The following ATRNL1 variants were observed in gnomAD, a reference collection of about 807,000 sequenced individuals.
ATRNL1 encodes attractin-like protein 1.
ATRNL1 carries 95 observed loss-of-function variants against 182.7 expected under a neutral mutation model. The ratio of observed to expected loss-of-function variants is 0.52; its 90% CI spans 0.44 to 0.62. The LOEUF (loss-of-function observed/expected upper bound fraction) is 0.62, where lower values mean the gene tolerates loss of function less well. Among genes scored for constraint, ATRNL1 ranks in the 20% least tolerant of loss-of-function variants. The pLI, the probability that ATRNL1 is intolerant of heterozygous loss-of-function variation, is 0.00. For missense variants in ATRNL1, 1,471 were observed against 1,679.5 expected (o/e 0.88, Z 2.17); for synonymous variants, 576 against 568.3 (o/e 1.01, Z -0.19).
chr10:115,131,648 GAC>G lies in ATRNL1; in HGVS notation c.829+2115_829+2116del, dbSNP rs375410039. 6.8e-4 allele frequency among the ~76,000 whole-genome samples: 104 copies of G among 152,304 alleles called. 2 individuals are homozygous for G. The South Asian group carries it at 0.021, about 31-fold the overall frequency. On this transcript the variant is annotated intron_variant, in intron 5 of 28. Coordinates refer to ENST00000355044, the MANE Select transcript of ATRNL1 (RefSeq NM_207303.4). ...AATGGGGAATGATCAAAGAATGAGA[GAC>G]ATGTGAAAATGCGGACTGCCGAGGC...
At chr10:115,935,150 C>T (rs782254613) in intron 28 of ATRNL1, among the ~76,000 whole-genome samples, 2 of 152,142 alleles carry the variant, frequency 1.3e-5, no homozygotes, top group Non-Finnish European at 2.9e-5. Flanking sequence ...GTTAGCAAAT[C>T]TAGGAGCTCT....
intron 13 of ATRNL1, among the ~76,000 whole-genome samples, chr10:115,275,645 C>T (rs1554914617): frequency 6.6e-6 from 1 of 152,154 alleles, no homozygotes; most frequent in African/African-American, 2.4e-5. Flanking sequence ...TCAGTGGCTG[C>T]ACTTCCCACT....
rs564066907 is a variant in ATRNL1, at chr10:115,892,223, G to A, written c.4018+44232G>A. Among the ~76,000 whole-genome samples the A allele has an allele frequency of 4.5e-4, 68 of 152,166 alleles. 2 individuals are homozygous for A. The highest frequency in any genetic ancestry group is 1.9e-4 in the East Asian group (1 of 5,174). The stretch of plus-strand genomic sequence containing the variant: ...ATTTTTATTAAAGCAAAATTTGATG[G>A]CTTTTGTTTATGAGACCTGCCAAAC... On this transcript the variant is annotated intron_variant, in intron 28 of 28. Coordinates refer to ENST00000355044, the MANE Select transcript of ATRNL1 (RefSeq NM_207303.4).
chr10:115,179,411 A>G (rs1290413992), intron 8 of ATRNL1, among the ~76,000 whole-genome samples: 2 of 152,004 alleles, frequency 1.3e-5, no homozygotes, highest in East Asian at 1.9e-4. Flanking sequence ...AGGTGTCCTC[A>G]TATAGCTATT....
At chr10:115,431,741 TTACTG>T (rs1484300242) in intron 21 of ATRNL1, among the ~76,000 whole-genome samples, 3 of 152,218 alleles carry the variant, frequency 2.0e-5, no homozygotes, top group African/African-American at 7.2e-5. Context: ...GACTGTCCAA[TTACTG>T]TGTCATTTAA....
intron 1 of ATRNL1, among the ~76,000 whole-genome samples, chr10:115,110,539 C>G (rs1397702755): frequency 6.6e-6 from 1 of 152,056 alleles, no homozygotes; most frequent in Non-Finnish European, 1.5e-5. Flanking sequence ...TTTTCTGGAG[C>G]CTCTGGATAA....
At chr10:115,735,493 T>C (rs1555065194) in intron 27 of ATRNL1, among the ~76,000 whole-genome samples, 2 of 152,156 alleles carry the variant, frequency 1.3e-5, no homozygotes, top group African/African-American at 4.8e-5. Flanking sequence ...CAAACCGAGA[T>C]ATACATACCT....
chr10:115,299,944 A>AT, intron 15 of ATRNL1, 90 bp from the exon 16 acceptor site: 1 of 888,800 alleles, frequency 1.1e-6, no homozygotes, highest in Non-Finnish European at 1.7e-6. Context: ...TTCAAATATA[A>AT]TTTTTAATGA....
At chr10:115,737,372 G>A (rs1480011223) in intron 27 of ATRNL1, among the ~76,000 whole-genome samples, 1 of 151,268 alleles carries the variant, frequency 6.6e-6, no homozygotes, top group Non-Finnish European at 1.5e-5. Flanking sequence ...GGAGTTCGAG[G>A]CTGCAGTGAG....
At chr10:115,871,395 A>T in intron 28 of ATRNL1, among the ~76,000 whole-genome samples, 1 of 148,924 alleles carries the variant, frequency 6.7e-6, no homozygotes, top group Non-Finnish European at 1.5e-5. Context: ...GATAAATCTC[A>T]CTGATAGGTT....
intron 20 of ATRNL1, among the ~76,000 whole-genome samples, chr10:115,396,326 A>G (rs562469476): frequency 4.6e-5 from 7 of 152,078 alleles, no homozygotes; most frequent in African/African-American, 1.7e-4. Flanking sequence ...GGATGCCTCT[A>G]ATACTTTGCA....
chr10:115,763,593 G>A (rs1159378666), intron 27 of ATRNL1, among the ~76,000 whole-genome samples: 1 of 152,094 alleles, frequency 6.6e-6, no homozygotes, highest in South Asian at 2.1e-4. Context: ...GGGAGTCGGG[G>A]ATGGGCACAA....
At chr10:115,174,001 T>C (rs1554886260) in intron 8 of ATRNL1, among the ~76,000 whole-genome samples, 1 of 151,778 alleles carries the variant, frequency 6.6e-6, no homozygotes, top group East Asian at 1.9e-4. Context: ...CTTCTCACGT[T>C]TAGGGCCCTC....
intron 20 of ATRNL1, among the ~76,000 whole-genome samples, chr10:115,395,115 G>A (rs1554955238): frequency 2.4e-5 from 2 of 83,928 alleles, no homozygotes; most frequent in African/African-American, 3.4e-5. Flanking sequence ...GCAAAAACAT[G>A]TGGCATTTGG....
At chr10:115,542,960 T>A (rs548497514) in intron 25 of ATRNL1, among the ~76,000 whole-genome samples, 1 of 152,170 alleles carries the variant, frequency 6.6e-6, no homozygotes. Context: ...CAGAATCCCA[T>A]GTTTATAAAC....
At position 115,579,694 on chromosome 10, in the gene ATRNL1, A is replaced by G. The variant is rs191231480; in HGVS notation, c.3795+30158A>G. ...TCATTTAGCCAGCCTATATCTTTTT[A>G]TTGGGTAGCTTAAACCATTTATATT... On this transcript the variant is annotated intron_variant, in intron 26 of 28. Coordinates refer to ENST00000355044, the MANE Select transcript of ATRNL1 (RefSeq NM_207303.4). Among the ~76,000 whole-genome samples, 20 of 152,020 alleles carry G rather than the reference A, an allele frequency of 1.3e-4. No individual in the cohort carries two copies. In the East Asian group the frequency reaches 3.7e-3, roughly 28 times the overall value.
intron 9 of ATRNL1, among the ~76,000 whole-genome samples, chr10:115,237,218 G>A (rs1850223074): frequency 6.6e-6 from 1 of 152,210 alleles, no homozygotes; most frequent in African/African-American, 2.4e-5. Context: ...TCTGTGTGCA[G>A]ATTTTTGTGT....
At chr10:115,551,649 T>C (rs1164182210) in intron 26 of ATRNL1, among the ~76,000 whole-genome samples, 1 of 151,572 alleles carries the variant, frequency 6.6e-6, no homozygotes, top group South Asian at 2.1e-4. Context: ...TTAAAACATA[T>C]TTTGAGGAAT....
chr10:115,544,227 C>G (rs149866761), intron 25 of ATRNL1, among the ~76,000 whole-genome samples: 1 of 152,250 alleles, frequency 6.6e-6, no homozygotes, highest in African/African-American at 2.4e-5. Context: ...CTGGAATACA[C>G]AAACCTACAA....
Sources: gnomAD v4.1 joint callset for allele counts (sites outside exome capture counted in the v4.1 genomes callset) on GRCh38, gnomAD v4.1.1 for gene constraint, MANE v1.5 for transcripts, NCBI Gene and HGNC (gene_info 2026-07-23, HGNC 2026-07-21) for gene names.